Variants in FAXC observed in about 807,000 individuals in gnomAD.
The protein encoded by FAXC is failed axon connections homolog.
In FAXC, 10 loss-of-function variants were observed where a neutral mutation model predicts 41.9. The observed-to-expected ratio is 0.24, with a 90% CI of 0.15 to 0.41. The LOEUF (loss-of-function observed/expected upper bound fraction) is 0.41, where lower values mean the gene tolerates loss of function less well. FAXC is among the 10% of genes least tolerant of loss of function. The pLI, the probability that FAXC is intolerant of heterozygous loss-of-function variation, is 1.00. For synonymous variants in FAXC, 183 were observed against 183.8 expected (o/e 1.00, Z 0.03); for missense variants, 399 against 510.9 (o/e 0.78, Z 2.11).
chr6:99,318,306 C>CAAAAAAAAAAA lies in FAXC; in HGVS notation c.823+5137_823+5138insTTTTTTTTTTT, dbSNP rs1554201375. 5.2e-5 allele frequency among the ~76,000 whole-genome samples: 7 copies of CAAAAAAAAAAA among 135,316 alleles called. No homozygotes were observed. The East Asian group carries it at 1.2e-3, about 22-fold the overall frequency. The allele number at this position is 135,316 out of a possible 152,430, so 88.8% of individuals were successfully genotyped here. ...ACACACACACACACACACACACACA[C>CAAAAAAAAAAA]AAAATAGAAGAAATGGAAAATATAT... On this transcript the variant is annotated intron_variant, in intron 4 of 5. Transcript: ENST00000389677.
In FAXC at chr6:99,349,551, C is replaced by A. The variant is rs2128467304; in HGVS notation, c.-179G>T. 11 of 251,598 alleles carry A rather than the reference C, an allele frequency of 4.4e-5. No homozygotes were observed. The highest frequency in any genetic ancestry group is 5.6e-5 in the Non-Finnish European group (9 of 159,872). The allele number at this position is 251,598 out of a possible 1,614,324, so 15.6% of individuals were successfully genotyped here. On this transcript the variant is annotated 5_prime_UTR_variant, in exon 1 of 6. Transcript: ENST00000389677. ...GGCAGAGGAGGAGGAGGAGGAAGGG[C>A]ACTGGCCGCGGACGGCGGGCCTGGC...
At position 99,328,468 on chromosome 6, in the gene FAXC, G is replaced by A. The variant is rs534921248; in HGVS notation, c.600-4801C>T. Among the ~76,000 whole-genome samples, 44 of 152,266 alleles carry A rather than the reference G, an allele frequency of 2.9e-4. 1 individual carries two copies. The highest frequency in any genetic ancestry group is 6.7e-4 in the African/African-American group (28 of 41,560). On this transcript the variant is annotated intron_variant, in intron 3 of 5. Coordinates refer to ENST00000389677, the MANE Select transcript of FAXC (RefSeq NM_032511.4). ...CCACTGATGCTTTGATCATGGACTC[G>A]CCAGACTCTGGAGCTGTGAGAAATA...
chr6:99,346,645 C>A (rs1773607072), intron 1 of FAXC, among the ~76,000 whole-genome samples: 1 of 152,058 alleles, frequency 6.6e-6, no homozygotes, highest in Non-Finnish European at 1.5e-5. Context: ...CGTGATCCGC[C>A]CGCGTCAGCC....
chr6:99,328,533 T>C (rs1562178772), intron 3 of FAXC, among the ~76,000 whole-genome samples: 2 of 152,226 alleles, frequency 1.3e-5, no homozygotes, highest in African/African-American at 4.8e-5. Flanking sequence ...AAAAGTATTC[T>C]GTTATGACAG....
At position 99,275,866 on chromosome 6, in the gene FAXC, G is replaced by C. The variant is rs1770587330; in HGVS notation, c.*5298C>G. 1 of 152,144 alleles carries C rather than the reference G, an allele frequency of 6.6e-6. No individual in the cohort carries two copies. Among genetic ancestry groups the C allele is most frequent in the Admixed American group, 6.6e-5 (1 of 15,258 alleles). 9.4% of individuals were successfully genotyped at this position (152,144 alleles called of 1,614,324 possible). A position where few individuals can be genotyped will look rare whatever the true frequency, so the allele number is the denominator to read the frequency against. On this transcript the variant is annotated 3_prime_UTR_variant, in exon 6 of 6. Transcript: ENST00000389677. ...AGTAGCAAGAGTCTTACAGGTAAGAGGCCCGTCCCTCCTCACCCAACAAGG... is the reference window on the plus strand; with the variant it reads ...AGTAGCAAGAGTCTTACAGGTAAGACGCCCGTCCCTCCTCACCCAACAAGG...
At chr6:99,315,318 C>G (rs192233770) in intron 4 of FAXC, among the ~76,000 whole-genome samples, 14 of 150,506 alleles carry the variant, frequency 9.3e-5, no homozygotes, top group Non-Finnish European at 1.8e-4. Flanking sequence ...TCATCACTAC[C>G]ACCACCATGT....
At chr6:99,284,425 T>C (rs2128447265) in intron 5 of FAXC, among the ~76,000 whole-genome samples, 1 of 152,250 alleles carries the variant, frequency 6.6e-6, no homozygotes, top group East Asian at 1.9e-4. Flanking sequence ...TGGACATCTA[T>C]AGTTGGGTTT....
rs545804955 is a variant in FAXC at position 99,271,561 on chromosome 6, C to T, written c.*9603G>A. On this transcript the variant is annotated 3_prime_UTR_variant, in exon 6 of 6. Coordinates refer to ENST00000389677, the MANE Select transcript of FAXC (RefSeq NM_032511.4). ...CACTCAAAGGAAACGGACATTGGATCATTTCAGATTTCCAGTTTTGATTTT... is the reference window on the plus strand; with the variant it reads ...CACTCAAAGGAAACGGACATTGGATTATTTCAGATTTCCAGTTTTGATTTT... 6.6e-6 allele frequency: 1 copy of T among 152,276 alleles called. No individual in the cohort carries two copies. The highest frequency in any genetic ancestry group is 1.5e-5 in the Non-Finnish European group (1 of 68,012). 9.4% of individuals were successfully genotyped at this position (152,276 alleles called of 1,614,324 possible). A position where few individuals can be genotyped will look rare whatever the true frequency, so the allele number is the denominator to read the frequency against.
rs116427020 is a variant in FAXC at position 99,335,462 on chromosome 6, T to A, written c.403-1915A>T. Among the ~76,000 whole-genome samples, 1,373 of 152,328 alleles carry A rather than the reference T, an allele frequency of 9.0e-3. 27 individuals carry two copies. Among genetic ancestry groups the A allele is most frequent in the African/African-American group, 0.03 (1,244 of 41,582 alleles). On this transcript the variant is annotated intron_variant, in intron 2 of 5. Transcript: ENST00000389677. Reference sequence around the variant, plus strand: ...CCTATGCCCCTTCCTTATTTGGAAATGCTATTGCTTCCTTAAACCTTTCGT... The same window carrying A: ...CCTATGCCCCTTCCTTATTTGGAAAAGCTATTGCTTCCTTAAACCTTTCGT...
Position 99,283,751 on chromosome 6 carries a change from G to GA in FAXC, c.941-2299dup, listed in dbSNP as rs111360000. On this transcript the variant is annotated intron_variant, in intron 5 of 5. Coordinates refer to ENST00000389677, the MANE Select transcript of FAXC (RefSeq NM_032511.4). ...TAAAGATGTGAGGGCAGCAGCAAGAGAAAAAAAAAATATCTAATTGGGGAG... is the reference window on the plus strand; with the variant it reads ...TAAAGATGTGAGGGCAGCAGCAAGAGAAAAAAAAAAATATCTAATTGGGGAG... Among the ~76,000 whole-genome samples, 137 of 148,686 alleles carry GA rather than the reference G, an allele frequency of 9.2e-4. 2 individuals carry two copies. The highest frequency in any genetic ancestry group is 3.1e-3 in the African/African-American group (124 of 40,644).
At chr6:99,343,462 T>C (rs1773492796) in intron 1 of FAXC, among the ~76,000 whole-genome samples, 1 of 152,228 alleles carries the variant, frequency 6.6e-6, no homozygotes, top group East Asian at 1.9e-4. Flanking sequence ...GAGGGTCTCA[T>C]GGGTCTTATC....
chr6:99,327,158 G>A (rs1454048293), intron 3 of FAXC, among the ~76,000 whole-genome samples: 1 of 151,870 alleles, frequency 6.6e-6, no homozygotes, highest in Non-Finnish European at 1.5e-5. Flanking sequence ...CAATATTATC[G>A]ACCAGTGTCA....
intron 2 of FAXC, chr6:99,334,712 G>A: frequency 2.9e-6 from 1 of 348,552 alleles, no homozygotes; most frequent in Non-Finnish European, 4.0e-6. Flanking sequence ...CCTCCACACT[G>A]CCACCAGAGG....
intron 2 of FAXC, among the ~76,000 whole-genome samples, chr6:99,338,224 C>T (rs1208304967): frequency 1.3e-5 from 2 of 152,142 alleles, no homozygotes; most frequent in African/African-American, 4.8e-5. Context: ...CAGCCCTATA[C>T]AATTCTTTTT....
intron 4 of FAXC, among the ~76,000 whole-genome samples, chr6:99,313,913 T>C (rs767319793): frequency 2.6e-5 from 4 of 152,198 alleles, no homozygotes; most frequent in Non-Finnish European, 4.4e-5. Flanking sequence ...CACCTGAAAT[T>C]CATGATCTTC....
chr6:99,333,697 T>C (rs2128462877), intron 2 of FAXC, 150 bp from the exon 3 acceptor site: 1 of 625,726 alleles, frequency 1.6e-6, no homozygotes. Flanking sequence ...CTTAAGACAA[T>C]ACATGGTTAC....
intron 5 of FAXC, chr6:99,284,330 T>C (rs1216197678): frequency 6.6e-6 from 1 of 152,172 alleles, no homozygotes; most frequent in Non-Finnish European, 1.5e-5. Flanking sequence ...AACATGTAGT[T>C]GAGAAAGGGT....
chr6:99,301,031 A>C (rs1417946970), intron 4 of FAXC, among the ~76,000 whole-genome samples: 1 of 152,244 alleles, frequency 6.6e-6, no homozygotes, highest in Non-Finnish European at 1.5e-5. Flanking sequence ...GCTTCACCTT[A>C]GCTGGAATCC....
Position 99,314,576 on chromosome 6 carries a change from AAACC to A in FAXC, c.823+8864_823+8867del, listed in dbSNP as rs372326805. On this transcript the variant is annotated intron_variant, in intron 4 of 5. Coordinates refer to ENST00000389677, the MANE Select transcript of FAXC (RefSeq NM_032511.4). ...GCAACAGCTTCTTCCCTGGGCCACC[AAACC>A]TACTCTTGGCCCCTCCAGCACATGA... 5.2e-3 allele frequency among the ~76,000 whole-genome samples: 785 copies of A among 152,242 alleles called. 12 individuals carry two copies. The highest frequency in any genetic ancestry group is 0.018 in the African/African-American group (748 of 41,530).
Sources: gnomAD v4.1 joint callset for allele counts (sites outside exome capture counted in the v4.1 genomes callset) on GRCh38, gnomAD v4.1.1 for gene constraint, MANE v1.5 for transcripts, NCBI Gene and HGNC (gene_info 2026-07-23, HGNC 2026-07-21) for gene names.